Variants in CPEB3 observed in about 807,000 individuals in gnomAD.
CPEB3 encodes cytoplasmic polyadenylation element binding protein 3, also known as cytoplasmic polyadenylation element-binding protein 3.
Under a neutral mutation model 67.2 loss-of-function variants are expected in CPEB3, and 20 were observed. The ratio of observed to expected loss-of-function variants is 0.30; its 90% CI spans 0.21 to 0.43. The LOEUF (loss-of-function observed/expected upper bound fraction) is 0.43. Ranked by LOEUF, CPEB3 falls within the 20% of genes least tolerant of loss-of-function variation. CPEB3 has a pLI of 1.00. For synonymous variants in CPEB3, 376 were observed against 393.1 expected (o/e 0.96, Z 0.51); for missense variants, 746 against 968.6 (o/e 0.77, Z 3.05).
chr10:92,150,421 A>G (rs1171136042), intron 4 of CPEB3, among the ~76,000 whole-genome samples: 7 of 152,182 alleles, frequency 4.6e-5, no homozygotes, highest in African/African-American at 1.7e-4. Flanking sequence ...CTCCTGAAGG[A>G]CTATTCCGTT....
At chr10:92,241,591 C>T (rs1467458987) in intron 1 of CPEB3, among the ~76,000 whole-genome samples, 2 of 152,176 alleles carry the variant, frequency 1.3e-5, no homozygotes, top group Non-Finnish European at 2.9e-5. Flanking sequence ...ATTGCCATCA[C>T]TGCTTCATTT....
chr10:92,137,274 T>G, intron 6 of CPEB3: 2 of 625,152 alleles, frequency 3.2e-6, no homozygotes, highest in South Asian at 1.8e-5. Context: ...CCAACGTGCA[T>G]GCTGAGGTGC....
intron 2 of CPEB3, among the ~76,000 whole-genome samples, chr10:92,196,830 G>A (rs186342592): frequency 6.6e-6 from 1 of 151,926 alleles, no homozygotes; most frequent in East Asian, 1.9e-4. Context: ...TACTTCAGAG[G>A]CTGAGGCAGG....
intron 7 of CPEB3, among the ~76,000 whole-genome samples, chr10:92,102,723 A>G (rs1355324550): frequency 6.6e-6 from 1 of 152,258 alleles, no homozygotes; most frequent in East Asian, 1.9e-4. Flanking sequence ...TATTATGCTC[A>G]GAAGACTCAA....
At chr10:92,087,477 A>T (rs1843422115) in intron 8 of CPEB3, among the ~76,000 whole-genome samples, 1 of 152,240 alleles carries the variant, frequency 6.6e-6, no homozygotes, top group Non-Finnish European at 1.5e-5. Context: ...GGAAGTCATG[A>T]AGTCAAGAAC....
At chr10:92,211,868 T>C (rs1203536034) in intron 2 of CPEB3, among the ~76,000 whole-genome samples, 2 of 146,530 alleles carry the variant, frequency 1.4e-5, no homozygotes, top group African/African-American at 2.5e-5. Flanking sequence ...TAAGATCATA[T>C]ATCTTTTTCT....
chr10:92,203,142 C>T (rs903823019), intron 2 of CPEB3, among the ~76,000 whole-genome samples: 10 of 151,076 alleles, frequency 6.6e-5, no homozygotes, highest in East Asian at 5.8e-4. Context: ...AGGGTTTCAC[C>T]GTGTTAGCCA....
At chr10:92,231,000 C>G (rs927447260) in intron 2 of CPEB3, among the ~76,000 whole-genome samples, 1 of 152,176 alleles carries the variant, frequency 6.6e-6, no homozygotes, top group Non-Finnish European at 1.5e-5. Flanking sequence ...CCAACAAAAT[C>G]AACCCAACCC....
chr10:92,206,643 AT>A (rs1479806231), intron 2 of CPEB3, among the ~76,000 whole-genome samples: 1 of 152,048 alleles, frequency 6.6e-6, no homozygotes, highest in Non-Finnish European at 1.5e-5. Context: ...TTCATATCTT[AT>A]TTTGTAGGCA....
intron 3 of CPEB3, among the ~76,000 whole-genome samples, chr10:92,184,164 G>C (rs1003664769): frequency 6.6e-6 from 1 of 152,170 alleles, no homozygotes; most frequent in African/African-American, 2.4e-5. Context: ...AGTAAAACAA[G>C]AGCCTTAGGC....
intron 8 of CPEB3, among the ~76,000 whole-genome samples, chr10:92,089,998 G>T (rs1000437997): frequency 9.9e-5 from 15 of 152,020 alleles, no homozygotes; most frequent in Non-Finnish European, 2.9e-5. Context: ...TTTTGGAAAA[G>T]GTATCTTCAC....
chr10:92,216,148 A>T (rs1325518153), intron 2 of CPEB3, among the ~76,000 whole-genome samples: 3 of 148,864 alleles, frequency 2.0e-5, no homozygotes, highest in Non-Finnish European at 4.5e-5. Context: ...ATATATATAT[A>T]TTTTGATGGC....
At chr10:92,105,025 C>A (rs1844376902) in intron 7 of CPEB3, among the ~76,000 whole-genome samples, 1 of 152,062 alleles carries the variant, frequency 6.6e-6, no homozygotes, top group African/African-American at 2.4e-5. Flanking sequence ...CTCAGCCTCC[C>A]AAAATGCTGA....
intron 6 of CPEB3, among the ~76,000 whole-genome samples, chr10:92,132,918 T>C (rs930301930): frequency 2.0e-5 from 3 of 152,048 alleles, no homozygotes; most frequent in Admixed American, 6.6e-5. Context: ...TGAATGACTA[T>C]TGGGTAAATA....
intron 2 of CPEB3, among the ~76,000 whole-genome samples, chr10:92,218,348 A>G (rs1210873271): frequency 1.3e-5 from 2 of 152,150 alleles, no homozygotes; most frequent in African/African-American, 4.8e-5. Context: ...TGGAGGTCGC[A>G]GTGAGCTGAG....
intron 6 of CPEB3, among the ~76,000 whole-genome samples, chr10:92,125,839 G>A (rs920488202): frequency 2.0e-5 from 3 of 151,614 alleles, no homozygotes; most frequent in African/African-American, 4.9e-5. Context: ...TCCTCCCACC[G>A]CAGCCTCCCA....
At chr10:92,270,963 G>A (rs1248082751) in intron 1 of CPEB3, among the ~76,000 whole-genome samples, 1 of 152,180 alleles carries the variant, frequency 6.6e-6, no homozygotes. Flanking sequence ...GATCCCCTGA[G>A]GTCAGGAGTT....
At chr10:92,250,021 C>CATAT (rs139850091) in intron 1 of CPEB3, among the ~76,000 whole-genome samples, 29,147 of 146,024 alleles carry the variant, frequency 0.2, 3,353 homozygotes, top group Non-Finnish European at 0.27. Context: ...GACTCCATCT[C>CATAT]ATATATATAT....
chr10:92,094,946 T>C (rs549607282), intron 7 of CPEB3, among the ~76,000 whole-genome samples: 2 of 152,308 alleles, frequency 1.3e-5, no homozygotes, highest in South Asian at 4.1e-4. Context: ...CACTTTATGT[T>C]AATTGCGTTT....
Sources: gnomAD v4.1 joint callset for allele counts (sites outside exome capture counted in the v4.1 genomes callset) on GRCh38, gnomAD v4.1.1 for gene constraint, MANE v1.5 for transcripts, NCBI Gene and HGNC (gene_info 2026-07-23, HGNC 2026-07-21) for gene names.